The following CHRM3 variants were observed in gnomAD, a reference collection of about 807,000 sequenced individuals.
CHRM3 encodes the protein muscarinic acetylcholine receptor M3.
A neutral mutation model predicts 41.8 loss-of-function variants in CHRM3; 11 were observed. That is an observed-to-expected ratio of 0.26 (90% confidence interval 0.17 to 0.44). The LOEUF (loss-of-function observed/expected upper bound fraction) is 0.44, where lower values mean the gene tolerates loss of function less well. CHRM3 is among the 20% of genes least tolerant of loss of function. CHRM3 has a pLI of 1.00. For synonymous variants in CHRM3, 297 were observed against 301.4 expected (o/e 0.99, Z 0.15); for missense variants, 571 against 745.4 (o/e 0.77, Z 2.72).
At chr1:239,439,214 T>C (rs898568333) in intron 1 of CHRM3, among the ~76,000 whole-genome samples, 2 of 152,176 alleles carry the variant, frequency 1.3e-5, no homozygotes, top group Non-Finnish European at 2.9e-5. Flanking sequence ...ACATGGTCCT[T>C]AGGTTTGTAT....
At chr1:239,683,755 C>CCTA (rs1658805008) in intron 5 of CHRM3, among the ~76,000 whole-genome samples, 1 of 152,120 alleles carries the variant, frequency 6.6e-6, no homozygotes, top group Non-Finnish European at 1.5e-5. Flanking sequence ...TAATATATTA[C>CCTA]CTAAGTAAAC....
intron 1 of CHRM3, among the ~76,000 whole-genome samples, chr1:239,437,812 C>G (rs1485090725): frequency 1.3e-5 from 2 of 152,192 alleles, no homozygotes. Flanking sequence ...AAATCGGAAA[C>G]TAGAGACCAC....
chr1:239,473,625 C>A (rs1666278717), intron 1 of CHRM3, among the ~76,000 whole-genome samples: 1 of 152,038 alleles, frequency 6.6e-6, no homozygotes, highest in African/African-American at 2.4e-5. Context: ...AAGCCAGAAA[C>A]AACTCAAATG....
At chr1:239,535,107 G>A (rs1252805499) in intron 2 of CHRM3, among the ~76,000 whole-genome samples, 1 of 152,162 alleles carries the variant, frequency 6.6e-6, no homozygotes, top group Non-Finnish European at 1.5e-5. Flanking sequence ...CACCAAATAA[G>A]TGTACTTTGA....
chr1:239,523,435 T>C (rs1400990992), intron 2 of CHRM3, among the ~76,000 whole-genome samples: 1 of 152,100 alleles, frequency 6.6e-6, no homozygotes, highest in Non-Finnish European at 1.5e-5. Flanking sequence ...TCAGCAGTGA[T>C]TTTTTACAAG....
chr1:239,763,975 C>T (rs1667008773), intron 5 of CHRM3, among the ~76,000 whole-genome samples: 1 of 151,670 alleles, frequency 6.6e-6, no homozygotes, highest in Non-Finnish European at 1.5e-5. Flanking sequence ...GCCTGTAGTC[C>T]CAGCTGCTCA....
intron 6 of CHRM3, among the ~76,000 whole-genome samples, chr1:239,886,876 A>C (rs1678117539): frequency 6.6e-6 from 1 of 152,090 alleles, no homozygotes; most frequent in South Asian, 2.1e-4. Flanking sequence ...CCCTCCATAA[A>C]TGTTCCTTTG....
chr1:239,516,120 C>T (rs201043540), intron 2 of CHRM3, among the ~76,000 whole-genome samples: 2 of 152,166 alleles, frequency 1.3e-5, no homozygotes, highest in East Asian at 3.9e-4. Context: ...CTTGCAACAA[C>T]CATTTGTAGG....
chr1:239,645,530 G>A (rs553500853), intron 4 of CHRM3, among the ~76,000 whole-genome samples: 1 of 151,776 alleles, frequency 6.6e-6, no homozygotes, highest in East Asian at 1.9e-4. Context: ...ATCCAAATCA[G>A]GAACAAAAAA....
intron 2 of CHRM3, among the ~76,000 whole-genome samples, chr1:239,512,279 G>A (rs1310141120): frequency 6.6e-6 from 1 of 152,226 alleles, no homozygotes; most frequent in Non-Finnish European, 1.5e-5. Flanking sequence ...CTAGCAGTCA[G>A]AGGAGAGTGG....
intron 1 of CHRM3, among the ~76,000 whole-genome samples, chr1:239,434,012 A>G (rs2103194636): frequency 6.6e-6 from 1 of 152,226 alleles, no homozygotes; most frequent in African/African-American, 2.4e-5. Flanking sequence ...TGCTGGTTCT[A>G]CTTTTGGTTC....
chr1:239,691,186 A>T (rs1187285466), intron 5 of CHRM3, among the ~76,000 whole-genome samples: 3 of 152,070 alleles, frequency 2.0e-5, no homozygotes, highest in Admixed American at 1.3e-4. Context: ...CTGGGCAGTG[A>T]TGGGCTTCAA....
At chr1:239,662,904 CT>C (rs1673371744) in intron 4 of CHRM3, among the ~76,000 whole-genome samples, 1 of 143,154 alleles carries the variant, frequency 7.0e-6, no homozygotes, top group Non-Finnish European at 1.5e-5. Flanking sequence ...TCTTCTTCTT[CT>C]TCTTCTTCTT....
At chr1:239,744,142 C>T (rs986043056) in intron 5 of CHRM3, among the ~76,000 whole-genome samples, 1 of 151,892 alleles carries the variant, frequency 6.6e-6, no homozygotes, top group Non-Finnish European at 1.5e-5. Context: ...AAATTAATAA[C>T]TACTTCATTC....
intron 6 of CHRM3, among the ~76,000 whole-genome samples, chr1:239,828,187 T>C (rs1672610530): frequency 6.6e-6 from 1 of 152,092 alleles, no homozygotes; most frequent in Non-Finnish European, 1.5e-5. Flanking sequence ...CACATACGGA[T>C]ATTCACACAT....
At chr1:239,744,883 T>C (rs375586153) in intron 5 of CHRM3, among the ~76,000 whole-genome samples, 124 of 152,044 alleles carry the variant, frequency 8.2e-4, no homozygotes, top group African/African-American at 2.6e-3. Context: ...GATGATCCAT[T>C]GGGGTGGGAT....
chr1:239,864,544 A>ACACACG (rs57986817), intron 6 of CHRM3, among the ~76,000 whole-genome samples: 1 of 150,492 alleles, frequency 6.6e-6, no homozygotes, highest in Non-Finnish European at 1.5e-5. Context: ...ACACACACAC[A>ACACACG]CGCACACACA....
At chr1:239,646,928 A>T (rs1328772453) in intron 4 of CHRM3, among the ~76,000 whole-genome samples, 7 of 152,196 alleles carry the variant, frequency 4.6e-5, no homozygotes, top group Non-Finnish European at 8.8e-5. Flanking sequence ...GTAAGAAGAG[A>T]TGAAGGACTA....
intron 3 of CHRM3, among the ~76,000 whole-genome samples, chr1:239,577,406 T>C (rs1356258481): frequency 6.6e-6 from 1 of 152,210 alleles, no homozygotes; most frequent in African/African-American, 2.4e-5. Flanking sequence ...CAATAAGATG[T>C]TCATTGAAAA....
Sources: gnomAD v4.1 joint callset for allele counts (sites outside exome capture counted in the v4.1 genomes callset) on GRCh38, gnomAD v4.1.1 for gene constraint, MANE v1.5 for transcripts, NCBI Gene and HGNC (gene_info 2026-07-23, HGNC 2026-07-21) for gene names.